The following CDH12 variants were observed in gnomAD, a reference collection of about 807,000 sequenced individuals.
CDH12 encodes the protein cadherin-12.
CDH12 carries 41 observed loss-of-function variants against 74.1 expected under a neutral mutation model. That is an observed-to-expected ratio of 0.55 (90% CI 0.43 to 0.72). The LOEUF is 0.72. CDH12 is among the 30% of genes least tolerant of loss of function. CDH12 has a pLI of 0.00. For missense variants in CDH12, 945 were observed against 977.2 expected (o/e 0.97, Z 0.44); for synonymous variants, 399 against 355.0 (o/e 1.12, Z -1.39).
chr5:22,639,808 C>A (rs1739051088), intron 1 of CDH12, among the ~76,000 whole-genome samples: 1 of 152,014 alleles, frequency 6.6e-6, no homozygotes, highest in Non-Finnish European at 1.5e-5. Flanking sequence ...TTAATATGAT[C>A]CACCCCAATA....
intron 6 of CDH12, among the ~76,000 whole-genome samples, chr5:21,928,096 G>A (rs1348337976): frequency 6.6e-6 from 1 of 151,904 alleles, no homozygotes; most frequent in Non-Finnish European, 1.5e-5. Context: ...GAATGATGGT[G>A]AAAACATTTG....
At chr5:22,714,587 A>G (rs1743474543) in intron 1 of CDH12, among the ~76,000 whole-genome samples, 1 of 152,198 alleles carries the variant, frequency 6.6e-6, no homozygotes, top group Non-Finnish European at 1.5e-5. Context: ...GAAAAGAGGG[A>G]AAAAGGTTAA....
intron 4 of CDH12, among the ~76,000 whole-genome samples, chr5:22,114,262 T>C (rs2150264430): frequency 6.6e-6 from 1 of 152,320 alleles, no homozygotes; most frequent in South Asian, 2.1e-4. Context: ...GTGTGATTGG[T>C]ACTGTGTGCC....
At chr5:21,925,923 C>A (rs1036710403) in intron 6 of CDH12, among the ~76,000 whole-genome samples, 1 of 135,946 alleles carries the variant, frequency 7.4e-6, no homozygotes, top group East Asian at 2.4e-4. Flanking sequence ...AATTATGACT[C>A]CAATAACATG....
intron 1 of CDH12, among the ~76,000 whole-genome samples, chr5:22,563,758 G>A (rs942316205): frequency 6.6e-6 from 1 of 152,128 alleles, no homozygotes; most frequent in East Asian, 1.9e-4. Flanking sequence ...AACATGGCTG[G>A]GGAGGCCCCA....
At chr5:22,103,090 T>C (rs952590974) in intron 4 of CDH12, among the ~76,000 whole-genome samples, 6 of 152,160 alleles carry the variant, frequency 3.9e-5, no homozygotes, top group African/African-American at 1.4e-4. Context: ...ATGCCTGCTC[T>C]GACTTTCAGC....
chr5:22,775,604 CTT>C (rs914290581), intron 1 of CDH12, among the ~76,000 whole-genome samples: 15 of 151,852 alleles, frequency 9.9e-5, no homozygotes, highest in Admixed American at 7.2e-4. Context: ...AATGTTATAA[CTT>C]TTCCTTTTCG....
intron 10 of CDH12, among the ~76,000 whole-genome samples, chr5:21,791,611 G>T (rs1214656549): frequency 6.7e-6 from 1 of 150,000 alleles, no homozygotes; most frequent in African/African-American, 2.5e-5. Flanking sequence ...GTGAAAAAAC[G>T]ATTATATGAT....
At chr5:22,049,171 C>T (rs1740171618) in intron 5 of CDH12, among the ~76,000 whole-genome samples, 1 of 152,226 alleles carries the variant, frequency 6.6e-6, no homozygotes, top group East Asian at 1.9e-4. Flanking sequence ...TTGATACATA[C>T]ATATGCTGGT....
At chr5:22,576,963 A>T (rs1239890490) in intron 1 of CDH12, among the ~76,000 whole-genome samples, 1 of 152,174 alleles carries the variant, frequency 6.6e-6, no homozygotes. Context: ...GCCTTTACCC[A>T]TATTTCTCTA....
chr5:22,175,467 G>GA (rs951538067), intron 4 of CDH12, among the ~76,000 whole-genome samples: 11 of 151,586 alleles, frequency 7.3e-5, no homozygotes, highest in Admixed American at 2.0e-4. Flanking sequence ...ACTTGAGAAT[G>GA]AAAAAAAATA....
chr5:22,450,849 C>T (rs1745011620), intron 2 of CDH12, among the ~76,000 whole-genome samples: 1 of 150,604 alleles, frequency 6.6e-6, no homozygotes, highest in Non-Finnish European at 1.5e-5. Flanking sequence ...CTCCTGTCTC[C>T]AGGTTTCTAG....
At chr5:22,840,504 T>C (rs1451620948) in intron 1 of CDH12, among the ~76,000 whole-genome samples, 2 of 150,142 alleles carry the variant, frequency 1.3e-5, no homozygotes, top group East Asian at 1.9e-4. Flanking sequence ...GATTTATATA[T>C]ATTATATATT....
At chr5:21,822,343 AAGAC>A (rs1748419622) in intron 8 of CDH12, among the ~76,000 whole-genome samples, 1 of 150,678 alleles carries the variant, frequency 6.6e-6, no homozygotes, top group African/African-American at 2.4e-5. Context: ...AGATGAAAGA[AAGAC>A]AGATCTTAAA....
At chr5:22,654,913 G>C (rs1739955462) in intron 1 of CDH12, among the ~76,000 whole-genome samples, 1 of 152,174 alleles carries the variant, frequency 6.6e-6, no homozygotes, top group Admixed American at 6.5e-5. Context: ...ATACAGGCAT[G>C]AGCCACTGTG....
chr5:22,191,832 G>A (rs919399354), intron 4 of CDH12, among the ~76,000 whole-genome samples: 1 of 151,730 alleles, frequency 6.6e-6, no homozygotes, highest in African/African-American at 2.4e-5. Flanking sequence ...CCAAAGTGCT[G>A]GGATTACAGG....
At chr5:22,519,099 C>A (rs185316222) in intron 1 of CDH12, among the ~76,000 whole-genome samples, 9 of 152,208 alleles carry the variant, frequency 5.9e-5, no homozygotes, top group African/African-American at 1.9e-4. Context: ...GCAACTAGGA[C>A]TCATGTCAGA....
intron 1 of CDH12, among the ~76,000 whole-genome samples, chr5:22,819,607 T>C (rs1440137133): frequency 6.6e-6 from 1 of 151,840 alleles, no homozygotes; most frequent in Non-Finnish European, 1.5e-5. Context: ...TACAAGATCA[T>C]AGATAAAAAT....
intron 1 of CDH12, among the ~76,000 whole-genome samples, chr5:22,801,635 TCATATATATA>T (rs1748518770): frequency 1.1e-5 from 1 of 87,910 alleles, no homozygotes; most frequent in Non-Finnish European, 2.3e-5. Context: ...ACTCTGCTTA[TCATATATATA>T]TATATATATA....
Sources: gnomAD v4.1 joint callset for allele counts (sites outside exome capture counted in the v4.1 genomes callset) on GRCh38, gnomAD v4.1.1 for gene constraint, MANE v1.5 for transcripts, NCBI Gene and HGNC (gene_info 2026-07-23, HGNC 2026-07-21) for gene names.